USP14: variants seen among roughly 807,000 people sequenced by gnomAD.
USP14 encodes the protein ubiquitin carboxyl-terminal hydrolase 14.
In USP14, 38 loss-of-function variants were observed where a neutral mutation model predicts 76.5. The ratio of observed to expected loss-of-function variants is 0.50; its 90% CI spans 0.38 to 0.65. USP14 has a LOEUF of 0.65. Among genes scored for constraint, USP14 ranks in the 30% least tolerant of loss-of-function variants. The pLI is 0.00. For synonymous variants in USP14, 192 were observed against 191.7 expected (o/e 1.00, Z -0.01); for missense variants, 467 against 586.5 (o/e 0.80, Z 2.10).
chr18:160,254 A>G (rs962062459), intron 1 of USP14, among the ~76,000 whole-genome samples: 5 of 152,190 alleles, frequency 3.3e-5, no homozygotes, highest in Non-Finnish European at 7.4e-5. Flanking sequence ...TAGTGAGCCA[A>G]GATCGCGCCA....
chr18:197,814 T>C, intron 8 of USP14, 118 bp downstream of exon 8: 1 of 765,484 alleles, frequency 1.3e-6, no homozygotes, highest in Non-Finnish European at 2.0e-6. Flanking sequence ...TGTATTTAAA[T>C]ACTTTAGATG....
Position 180,416 on chromosome 18 carries a change from C to A in USP14, c.404+77C>A, listed in dbSNP as rs1040724477. 1.7e-4 allele frequency: 138 copies of A among 829,272 alleles called. No individual in the cohort carries two copies. The Admixed American group carries it at 3.5e-3, about 21-fold the overall frequency. The allele number at this position is 829,272 out of a possible 1,614,324, so 51.4% of individuals were successfully genotyped here. A position where few individuals can be genotyped will look rare whatever the true frequency, so the allele number is the denominator to read the frequency against. On this transcript the variant is annotated intron_variant, in intron 5 of 15. Transcript: ENST00000261601. ...TATTGTTTTGTTTTGCTTTCTTTAGCATCTTAATTGAGATATAATTAATTT... is the reference window on the plus strand; with the variant it reads ...TATTGTTTTGTTTTGCTTTCTTTAGAATCTTAATTGAGATATAATTAATTT...
At chr18:162,388 C>G (rs1909146001) in intron 1 of USP14, among the ~76,000 whole-genome samples, 1 of 152,146 alleles carries the variant, frequency 6.6e-6, no homozygotes, top group African/African-American at 2.4e-5. Context: ...AAAAGAATAG[C>G]CATTCTAATG....
chr18:180,965 C>G (rs1909772841), intron 5 of USP14, among the ~76,000 whole-genome samples: 1 of 150,982 alleles, frequency 6.6e-6, no homozygotes, highest in South Asian at 2.1e-4. Context: ...TATTTTATGG[C>G]TGAATAGTAT....
chr18:167,194 A>C (rs1340152878), intron 3 of USP14, among the ~76,000 whole-genome samples: 1 of 152,118 alleles, frequency 6.6e-6, no homozygotes, highest in African/African-American at 2.4e-5. Flanking sequence ...AGGCAGGAGA[A>C]TCACTTGAAC....
At chr18:178,878 C>A in intron 3 of USP14, 55 bp from the exon 4 acceptor site, 2 of 1,376,630 alleles carry the variant, frequency 1.5e-6, no homozygotes. Context: ...TTTGGTTTGA[C>A]ATAAACATTA....
chr18:209,662 T>C (rs987203688), intron 13 of USP14, among the ~76,000 whole-genome samples: 3 of 152,218 alleles, frequency 2.0e-5, no homozygotes, highest in African/African-American at 7.2e-5. Context: ...TTTCCTTTTC[T>C]GCCCTAGAGC....
chr18:173,623 A>G (rs1909539557), intron 3 of USP14, among the ~76,000 whole-genome samples: 2 of 150,928 alleles, frequency 1.3e-5, no homozygotes, highest in African/African-American at 4.9e-5. Flanking sequence ...ACTGGTCTCC[A>G]TGTTGGTCAG....
At chr18:180,211 CTT>C (rs79829832) in intron 4 of USP14, 23 bp from the exon 5 acceptor site, 19,896 of 945,494 alleles carry the variant, frequency 0.021, 1 homozygote, top group South Asian at 0.03. Flanking sequence ...TGATTTAATC[CTT>C]TTTTTTTTTT....
At chr18:192,947 A>C (rs1028292046) in intron 6 of USP14, 47 bp downstream of exon 6, 1 of 1,513,184 alleles carries the variant, frequency 6.6e-7, no homozygotes, top group African/African-American at 1.4e-5. Context: ...AAGACATTCT[A>C]TTTTTCGCTC....
At chr18:209,864 C>A in intron 13 of USP14, 107 bp from the exon 14 acceptor site, 1 of 774,378 alleles carries the variant, frequency 1.3e-6, no homozygotes, top group Non-Finnish European at 2.0e-6. Flanking sequence ...TGTATTTTGT[C>A]TCTGTGCACT....
In USP14 at chr18:204,756, ACT is replaced by A. The variant is rs200736025; in HGVS notation, c.1164+67_1164+68del. The stretch of plus-strand genomic sequence containing the variant: ...AATCTCCCATCAGTGCTCAGCAATT[ACT>A]CTGTCTTTTTTTTCCTGCTTCATTT... On this transcript the variant is annotated intron_variant, in intron 13 of 15. Coordinates refer to ENST00000261601, the MANE Select transcript of USP14 (RefSeq NM_005151.4). The A allele has an allele frequency of 7.9e-4, 1,230 of 1,559,548 alleles. 5 individuals are homozygous for A. The East Asian group carries it at 0.01, about 13-fold the overall frequency.
At position 158,692 on chromosome 18, in the gene USP14, C is replaced by T; in HGVS notation, c.-7C>T. 1.3e-6 allele frequency: 2 copies of T among 1,532,586 alleles called. No individual in the cohort carries two copies. The highest frequency in any genetic ancestry group is 1.7e-6 in the Non-Finnish European group (2 of 1,149,022). 94.9% of individuals were successfully genotyped at this position (1,532,586 alleles called of 1,614,324 possible). On this transcript the variant is annotated 5_prime_UTR_variant, in exon 1 of 16. Coordinates refer to ENST00000261601, the MANE Select transcript of USP14 (RefSeq NM_005151.4). ...TCCTGCGCCGCCGCCTCCCGCCGCG[C>T]CCCGCCATGCCGCTCTACTCCGGTG... is the stretch of plus-strand genomic sequence containing the variant.
intron 1 of USP14, 165 bp downstream of exon 1, chr18:158,879 C>T (rs1909032532): frequency 7.0e-6 from 8 of 1,136,952 alleles, no homozygotes; most frequent in Non-Finnish European, 7.8e-6. Flanking sequence ...CCTCTCCCGG[C>T]TGGGTCGGAG....
intron 2 of USP14, among the ~76,000 whole-genome samples, chr18:165,309 A>G (rs1336971740): frequency 1.3e-5 from 2 of 152,174 alleles, no homozygotes; most frequent in Non-Finnish European, 2.9e-5. Flanking sequence ...GTTAGATAAA[A>G]TGCTAAAGAT....
In USP14 at chr18:185,503, G is replaced by T. The variant is rs78624044; in HGVS notation, c.404+5164G>T. On this transcript the variant is annotated intron_variant, in intron 5 of 15. Coordinates refer to ENST00000261601, the MANE Select transcript of USP14 (RefSeq NM_005151.4). ...AGCGTCTCATTCAGTTCAGTGAGAT[G>T]CTCATATTATGAGAGGCATGCAAGA... 1.9e-3 allele frequency among the ~76,000 whole-genome samples: 291 copies of T among 152,174 alleles called. 5 individuals are homozygous for T. The East Asian group carries it at 0.036, about 19-fold the overall frequency.
chr18:166,525 GT>G (rs1909275439), intron 2 of USP14, among the ~76,000 whole-genome samples: 2 of 152,012 alleles, frequency 1.3e-5, no homozygotes, highest in Non-Finnish European at 2.9e-5. Flanking sequence ...TAGAGATGGA[GT>G]TTCTTTATAT....
chr18:158,742 G>A (rs1049832028), intron 1 of USP14, 28 bp downstream of exon 1: 3 of 1,484,834 alleles, frequency 2.0e-6, no homozygotes, highest in Non-Finnish European at 2.7e-6. Context: ...CTCGCGCGCA[G>A]CACACCGGAC....
intron 2 of USP14, among the ~76,000 whole-genome samples, chr18:165,042 G>A (rs376360682): frequency 1.2e-4 from 19 of 152,128 alleles, no homozygotes; most frequent in South Asian, 6.2e-4. Flanking sequence ...ACCGCCTCCC[G>A]GGCTCAAGTG....
Sources: gnomAD v4.1 joint callset for allele counts (sites outside exome capture counted in the v4.1 genomes callset) on GRCh38, gnomAD v4.1.1 for gene constraint, MANE v1.5 for transcripts, NCBI Gene and HGNC (gene_info 2026-07-23, HGNC 2026-07-21) for gene names.